The following CBLN2 variants were observed in gnomAD, a reference collection of about 807,000 sequenced individuals.
The protein encoded by CBLN2 is cerebellin 2 precursor, also known as cerebellin-2.
In CBLN2, 7 loss-of-function variants were observed where a neutral mutation model predicts 15.0. That is an observed-to-expected ratio of 0.47 (90% CI 0.27 to 0.88). CBLN2 has a LOEUF of 0.88. Ranked by LOEUF, CBLN2 falls within the 40% of genes least tolerant of loss-of-function variation. The probability of loss-of-function intolerance (pLI) is 0.14; values close to 1 mark genes in which losing one functional copy is unlikely to be tolerated. For missense variants in CBLN2, 242 were observed against 304.5 expected (o/e 0.79, Z 1.53); for synonymous variants, 149 against 135.2 (o/e 1.10, Z -0.71).
At chr18:72,605,466 C>A (rs1423762868) in intron 1 of CBLN2, among the ~76,000 whole-genome samples, 5 of 152,146 alleles carry the variant, frequency 3.3e-5, no homozygotes, top group African/African-American at 1.2e-4. Flanking sequence ...GGGGATAATA[C>A]AATAAATAAT....
In CBLN2 at chr18:72,542,149, G is replaced by C. The variant is rs894536175; in HGVS notation, c.12C>G (p.Pro4=). The C allele has an allele frequency of 2.5e-4, 326 of 1,312,706 alleles. 1 individual carries two copies. In the African/African-American group the frequency reaches 4.8e-3, roughly 19 times the overall value. The allele number at this position is 1,312,706 out of a possible 1,614,324, so 81.3% of individuals were successfully genotyped here. The part of the protein sequence containing the change: MQA[P]GRGPLGLRLM... ...GCCGCAGCCCGAGTGGCCCCCGGCC[G>C]GGCGCCTGCATCGGGACTGGTGGGA... The change falls in exon 3 of 5, where the codon CCC becomes CCG. Residue 4 remains proline, a synonymous_variant. Coordinates refer to ENST00000269503, the MANE Select transcript of CBLN2 (RefSeq NM_182511.4).
intron 1 of CBLN2, among the ~76,000 whole-genome samples, chr18:72,577,777 T>G (rs2144914467): frequency 6.6e-6 from 1 of 152,314 alleles, no homozygotes; most frequent in East Asian, 1.9e-4. Flanking sequence ...AGTTGCACAT[T>G]TCAATATGTA....
At chr18:72,616,987 C>T (rs8088244) in intron 1 of CBLN2, among the ~76,000 whole-genome samples, 80,737 of 152,014 alleles carry the variant, frequency 0.53, 25,837 homozygotes, top group Non-Finnish European at 0.72. Context: ...ATCTGATTGG[C>T]TTAGAGATAA....
chr18:72,600,118 T>A (rs1318443195), intron 1 of CBLN2, among the ~76,000 whole-genome samples: 1 of 152,222 alleles, frequency 6.6e-6, no homozygotes, highest in Non-Finnish European at 1.5e-5. Context: ...GGTTTCCAGG[T>A]GGAATATGTT....
chr18:72,556,482 A>AG (rs2069227591), intron 1 of CBLN2, among the ~76,000 whole-genome samples: 1 of 152,232 alleles, frequency 6.6e-6, no homozygotes, highest in Admixed American at 6.5e-5. Flanking sequence ...AGATAGAAAG[A>AG]AAGAGAAAAG....
intron 1 of CBLN2, among the ~76,000 whole-genome samples, chr18:72,599,844 G>A (rs1470873721): frequency 2.0e-5 from 3 of 152,238 alleles, no homozygotes; most frequent in Non-Finnish European, 2.9e-5. Flanking sequence ...AAGAGAGCCC[G>A]TGAAACAGTT....
At chr18:72,617,313 T>C (rs1477095814) in intron 1 of CBLN2, among the ~76,000 whole-genome samples, 1 of 152,166 alleles carries the variant, frequency 6.6e-6, no homozygotes, top group Non-Finnish European at 1.5e-5. Flanking sequence ...CTTATACATG[T>C]TTACTGATTG....
intron 1 of CBLN2, among the ~76,000 whole-genome samples, chr18:72,592,871 G>A (rs548157089): frequency 5.3e-5 from 8 of 152,088 alleles, no homozygotes; most frequent in Admixed American, 1.3e-4. Flanking sequence ...TACCACTACC[G>A]TGTTGTTTTG....
intron 1 of CBLN2, among the ~76,000 whole-genome samples, chr18:72,570,972 T>C (rs1312369256): frequency 6.6e-6 from 1 of 152,172 alleles, no homozygotes; most frequent in African/African-American, 2.4e-5. Flanking sequence ...TGACTCTGTG[T>C]CTGTATACCT....
rs2144869814 is a variant in CBLN2 at position 72,543,283 on chromosome 18, C to T, written c.-167+203G>A. On this transcript the variant is annotated intron_variant, in intron 2 of 4. Coordinates refer to ENST00000269503, the MANE Select transcript of CBLN2 (RefSeq NM_182511.4). The surrounding 1 kb of genome is among the most constrained non-coding windows in gnomAD (Gnocchi z 6.8). Reference sequence around the variant, plus strand: ...CCGCCCCCTCGCCGCCCACAGCCTCCCATTAACTCTTCCAGTATTCTTTCT... The same window carrying T: ...CCGCCCCCTCGCCGCCCACAGCCTCTCATTAACTCTTCCAGTATTCTTTCT... 2.7e-6 allele frequency: 1 copy of T among 373,126 alleles called. No homozygotes were observed. Among genetic ancestry groups the T allele is most frequent in the East Asian group, 3.8e-5 (1 of 26,338 alleles). The allele number at this position is 373,126 out of a possible 1,614,324, so 23.1% of individuals were successfully genotyped here.
At chr18:72,594,061 C>G (rs1287022374) in intron 1 of CBLN2, among the ~76,000 whole-genome samples, 2 of 152,114 alleles carry the variant, frequency 1.3e-5, no homozygotes, top group Non-Finnish European at 2.9e-5. Flanking sequence ...CATGTTCTCA[C>G]TATAAGTGGG....
At chr18:72,608,676 T>C (rs1403260049) in intron 1 of CBLN2, among the ~76,000 whole-genome samples, 2 of 152,194 alleles carry the variant, frequency 1.3e-5, no homozygotes, top group Non-Finnish European at 2.9e-5. Context: ...GGGAAGTGAT[T>C]GTGAGAAAGA....
Position 72,541,929 on chromosome 18 carries a change from C to T in CBLN2, c.232G>A (p.Val78Ile), listed in dbSNP as rs1392007698. 3 of 1,607,582 alleles carry T rather than the reference C, an allele frequency of 1.9e-6. No individual in the cohort carries two copies. Among genetic ancestry groups the T allele is most frequent in the African/African-American group, 1.3e-5 (1 of 74,890 alleles). Residue 78 changes from valine (V) to isoleucine (I), a missense_variant, in exon 3 of 5, where the codon GTC becomes ATC. This residue lies in a region of CBLN2 where 89 missense variants were observed against 114.2 expected (regional missense o/e 0.78). Coordinates refer to ENST00000269503, the MANE Select transcript of CBLN2 (RefSeq NM_182511.4). ...ACGGAGATGCCTAGGGAGGAGGTGA[C>T]GGCGCCGTCCGCCGACGGGCTGGAG... The part of the protein sequence containing the change: ...CDSSPSADGA[V>I]TSSLGISVRS...
At chr18:72,625,617 C>T (rs1435847873) in intron 1 of CBLN2, among the ~76,000 whole-genome samples, 5 of 145,770 alleles carry the variant, frequency 3.4e-5, no homozygotes, top group African/African-American at 7.5e-5. Flanking sequence ...GAGGGTAATA[C>T]TATATATATA....
intron 1 of CBLN2, among the ~76,000 whole-genome samples, chr18:72,627,380 T>C (rs2144974771): frequency 6.6e-6 from 1 of 152,364 alleles, no homozygotes; most frequent in Non-Finnish European, 1.5e-5. Flanking sequence ...GCTTCATAAT[T>C]GCATTGCTAT....
intron 1 of CBLN2, among the ~76,000 whole-genome samples, chr18:72,568,511 C>T (rs918831285): frequency 1.3e-4 from 20 of 151,422 alleles, no homozygotes; most frequent in Admixed American, 9.9e-4. Context: ...ATGAATTTTG[C>T]AAGCCAGTCT....
At chr18:72,572,600 T>A (rs1371225658) in intron 1 of CBLN2, among the ~76,000 whole-genome samples, 1 of 152,148 alleles carries the variant, frequency 6.6e-6, no homozygotes, top group Non-Finnish European at 1.5e-5. Context: ...ACTGCCTTTT[T>A]TTGAGATTGG....
Position 72,543,596 on chromosome 18 carries a change from C to A in CBLN2, c.-211-66G>T. The A allele has an allele frequency of 2.5e-6, 1 of 395,490 alleles. No individual in the cohort carries two copies. Among genetic ancestry groups the A allele is most frequent in the South Asian group, 1.3e-4 (1 of 7,560 alleles). 24.5% of individuals were successfully genotyped at this position (395,490 alleles called of 1,614,324 possible). The stretch of plus-strand genomic sequence containing the variant: ...AGGACACGGAGCGCGACCCTGCTCC[C>A]AGCGCGTGGCCAATAACCGCGCCGC... On this transcript the variant is annotated intron_variant, in intron 1 of 4. Coordinates refer to ENST00000269503, the MANE Select transcript of CBLN2 (RefSeq NM_182511.4). This position sits in a 1 kb window ranked among gnomAD's most constrained non-coding sequence, Gnocchi z 6.8.
chr18:72,583,964 C>A (rs947412805), intron 1 of CBLN2, among the ~76,000 whole-genome samples: 30 of 152,316 alleles, frequency 2.0e-4, no homozygotes, highest in African/African-American at 6.7e-4. Context: ...AATACATTTT[C>A]TTTTTTTCTG....
Sources: gnomAD v4.1 joint callset for allele counts (sites outside exome capture counted in the v4.1 genomes callset) on GRCh38, gnomAD v4.1.1 for gene constraint, gnomAD v4.1.1 regional missense constraint, Gnocchi (gnomAD v3.1) non-coding constraint, MANE v1.5 for transcripts, NCBI Gene and HGNC (gene_info 2026-07-23, HGNC 2026-07-21) for gene names.